PACRG: variants seen among roughly 807,000 people sequenced by gnomAD.
PACRG encodes parkin coregulated gene protein.
Under a neutral mutation model 29.7 loss-of-function variants are expected in PACRG, and 29 were observed. The ratio of observed to expected loss-of-function variants is 0.98; its 90% CI spans 0.73 to 1.33. PACRG has a LOEUF of 1.33. PACRG is among the 40% of genes most tolerant of loss of function. PACRG has a pLI of 0.00. For synonymous variants in PACRG, 116 were observed against 118.7 expected (o/e 0.98, Z 0.15); for missense variants, 279 against 316.2 (o/e 0.88, Z 0.89).
chr6:162,954,509 T>A (rs1303551467), intron 2 of PACRG, among the ~76,000 whole-genome samples: 1 of 139,396 alleles, frequency 7.2e-6, no homozygotes, highest in Non-Finnish European at 1.5e-5. Context: ...AACATTATTT[T>A]TTTACTGCAC....
intron 2 of PACRG, among the ~76,000 whole-genome samples, chr6:162,994,975 T>TG (rs1385887110): frequency 6.7e-6 from 1 of 150,182 alleles, no homozygotes; most frequent in Non-Finnish European, 1.5e-5. Context: ...CACCCTCAGC[T>TG]GCAGGTCTGT....
intron 1 of PACRG, among the ~76,000 whole-genome samples, chr6:162,755,119 T>C (rs7744306): frequency 0.26 from 39,841 of 152,092 alleles, 6,087 homozygotes; most frequent in East Asian, 0.48. Context: ...TTTGTATTTT[T>C]GTAGTATCAT....
At chr6:162,759,285 A>T (rs1772636243) in intron 1 of PACRG, among the ~76,000 whole-genome samples, 1 of 152,192 alleles carries the variant, frequency 6.6e-6, no homozygotes. Flanking sequence ...TCCAATTCAT[A>T]CATTGTCTTC....
chr6:162,860,739 G>A (rs1371091126), intron 2 of PACRG, among the ~76,000 whole-genome samples: 2 of 152,162 alleles, frequency 1.3e-5, no homozygotes, highest in East Asian at 1.9e-4. Context: ...ATGTTTTGCT[G>A]TATATCATGG....
chr6:163,304,448 A>T (rs951924339), intron 4 of PACRG, among the ~76,000 whole-genome samples: 1 of 152,192 alleles, frequency 6.6e-6, no homozygotes, highest in African/African-American at 2.4e-5. Context: ...GCCCACGATG[A>T]GGTTTATAAC....
At chr6:162,745,660 A>G (rs1054368325) in intron 1 of PACRG, among the ~76,000 whole-genome samples, 3 of 152,242 alleles carry the variant, frequency 2.0e-5, no homozygotes, top group Non-Finnish European at 4.4e-5. Context: ...TTTAATAACT[A>G]GGATGACTGC....
chr6:163,280,747 G>A (rs765138542), intron 4 of PACRG, among the ~76,000 whole-genome samples: 7 of 152,232 alleles, frequency 4.6e-5, no homozygotes, highest in African/African-American at 1.7e-4. Flanking sequence ...GGGAGAGAGC[G>A]GGAGCAAGCT....
At chr6:163,105,597 A>G (rs1293846105) in intron 4 of PACRG, among the ~76,000 whole-genome samples, 1 of 152,188 alleles carries the variant, frequency 6.6e-6, no homozygotes, top group Non-Finnish European at 1.5e-5. Context: ...ATAATAAGCT[A>G]TGTTCAGTGA....
chr6:162,753,791 CCTT>C (rs1231093143), intron 1 of PACRG, among the ~76,000 whole-genome samples: 1 of 152,166 alleles, frequency 6.6e-6, no homozygotes, highest in Admixed American at 6.5e-5. Context: ...TTCCCCTTCA[CCTT>C]CTGCCATGAT....
intron 4 of PACRG, among the ~76,000 whole-genome samples, chr6:163,206,121 A>T (rs190884455): frequency 6.6e-6 from 1 of 152,304 alleles, no homozygotes; most frequent in East Asian, 1.9e-4. Context: ...GGGGAGTGTA[A>T]ATTAGTTCAG....
At chr6:162,852,877 G>A (rs911136285) in intron 2 of PACRG, among the ~76,000 whole-genome samples, 1 of 152,156 alleles carries the variant, frequency 6.6e-6, no homozygotes, top group Non-Finnish European at 1.5e-5. Context: ...CTGATAAACT[G>A]TCGGGTCTGC....
intron 4 of PACRG, among the ~76,000 whole-genome samples, chr6:163,279,679 T>C (rs2128183324): frequency 6.6e-6 from 1 of 152,326 alleles, no homozygotes; most frequent in East Asian, 1.9e-4. Context: ...TTCTTGGCAG[T>C]TGTGTCTGTG....
intron 4 of PACRG, among the ~76,000 whole-genome samples, chr6:163,209,516 T>A (rs942436730): frequency 6.6e-6 from 1 of 152,220 alleles, no homozygotes; most frequent in African/African-American, 2.4e-5. Flanking sequence ...ATTGTTAATA[T>A]TGACAGGTTA....
intron 4 of PACRG, among the ~76,000 whole-genome samples, chr6:163,292,298 G>A (rs7768570): frequency 0.13 from 20,506 of 152,192 alleles, 2,596 homozygotes; most frequent in African/African-American, 0.34. Context: ...GCGTAATCCA[G>A]TGTCTTACCA....
At chr6:162,924,837 A>C (rs1797315732) in intron 2 of PACRG, among the ~76,000 whole-genome samples, 1 of 152,202 alleles carries the variant, frequency 6.6e-6, no homozygotes, top group African/African-American at 2.4e-5. Flanking sequence ...AAGGAGATAG[A>C]GATACGAAAA....
chr6:162,877,160 C>A (rs1793428337), intron 2 of PACRG, among the ~76,000 whole-genome samples: 1 of 152,058 alleles, frequency 6.6e-6, no homozygotes, highest in Non-Finnish European at 1.5e-5. Flanking sequence ...GCACTATTTA[C>A]AATAGCAAAG....
At chr6:162,864,407 C>A (rs1792124095) in intron 2 of PACRG, among the ~76,000 whole-genome samples, 1 of 152,008 alleles carries the variant, frequency 6.6e-6, no homozygotes, top group African/African-American at 2.4e-5. Context: ...CTACTATGTG[C>A]CAGGCCTTAT....
intron 1 of PACRG, among the ~76,000 whole-genome samples, chr6:162,758,556 G>T (rs1292874129): frequency 1.3e-5 from 2 of 151,980 alleles, no homozygotes; most frequent in Non-Finnish European, 2.9e-5. Flanking sequence ...TGATAATATG[G>T]GTTTGTTGTG....
At chr6:163,131,532 A>G (rs983800352) in intron 4 of PACRG, among the ~76,000 whole-genome samples, 4 of 152,140 alleles carry the variant, frequency 2.6e-5, no homozygotes, top group Admixed American at 1.3e-4. Context: ...AGCCGTCAGA[A>G]AGGGTGGCCC....
Sources: allele counts gnomAD v4.1 joint callset (sites outside exome capture counted in the v4.1 genomes callset), GRCh38; gene constraint gnomAD v4.1.1; transcripts MANE v1.5; gene names NCBI Gene and HGNC (gene_info 2026-07-23, HGNC 2026-07-21).